CLEC2A: variants seen among roughly 807,000 people sequenced by gnomAD.
The protein encoded by CLEC2A is keratinocyte-associated C-type lectin.
A neutral mutation model predicts 18.6 loss-of-function variants in CLEC2A; 19 were observed. That is an observed-to-expected ratio of 1.02 (90% CI 0.71 to 1.50). CLEC2A has a LOEUF of 1.50. CLEC2A is among the 40% of genes most tolerant of loss of function. The pLI is 0.00. For missense variants in CLEC2A, 190 were observed against 207.9 expected, an observed-to-expected ratio of 0.91 and a Z score of 0.53; for synonymous variants, 74 against 64.0, an observed-to-expected ratio of 1.16 and a Z score of -0.75.
Position 9,922,078 on chromosome 12 carries a change from T to C in CLEC2A, c.294A>G (p.Thr98=). ...TCTGTTTTCTTACCATGTCTTCTTG[T>C]GTATCAATCTGAGCAAGTTCTGCTT... is the stretch of plus-strand genomic sequence containing the variant. ...LQKAELAQID[T]QEDMEFLKRY... Residue 98 remains threonine (T), a synonymous_variant, in exon 3 of 5, where the codon ACA becomes ACG. Transcript: ENST00000455827. 1 of 1,542,540 alleles carries C rather than the reference T, an allele frequency of 6.5e-7. No homozygotes were observed. The highest frequency in any genetic ancestry group is 8.7e-7 in the Non-Finnish European group (1 of 1,143,572).
At position 9,916,691 on chromosome 12, in the gene CLEC2A, G is replaced by A. The variant is rs1863077269; in HGVS notation, c.410+9C>T. 3 of 1,496,398 alleles carry A rather than the reference G, an allele frequency of 2.0e-6. No individual in the cohort carries two copies. The highest frequency in any genetic ancestry group is 1.4e-5 in the African/African-American group (1 of 72,074). 92.7% of individuals were successfully genotyped at this position (1,496,398 alleles called of 1,614,324 possible). On this transcript the variant is annotated intron_variant, in intron 4 of 4. Transcript: ENST00000455827. ...GAATAAGAACATTGCTAATACATTG[G>A]AAACTCACCAACCATTGAATGTGGT...
the CLEC2A span, among the ~76,000 whole-genome samples, chr12:9,891,054 T>A: frequency 6.6e-5 from 10 of 152,262 alleles, no homozygotes; most frequent in East Asian, 1.9e-3. Flanking sequence ...TTAATTTTTT[T>A]TTTTTTTGCC....
intron 3 of CLEC2A, among the ~76,000 whole-genome samples, chr12:9,917,687 C>T (rs112454429): frequency 1.4e-3 from 220 of 152,290 alleles, no homozygotes; most frequent in African/African-American, 5.1e-3. Flanking sequence ...TGCCACACTG[C>T]TTTCCACAAT....
chr12:9,927,474 T>A (rs76009084), intron 1 of CLEC2A, among the ~76,000 whole-genome samples: 6,985 of 152,250 alleles, frequency 0.046, 489 homozygotes, highest in East Asian at 0.35. Flanking sequence ...ATTATATATA[T>A]GTATGCATGC....
chr12:9,924,242 A>T (rs1863226436), intron 2 of CLEC2A, among the ~76,000 whole-genome samples: 1 of 151,638 alleles, frequency 6.6e-6, no homozygotes, highest in Non-Finnish European at 1.5e-5. Flanking sequence ...TTATATGTTT[A>T]CTGGCCACAT....
the CLEC2A span, chr12:9,888,920 C>G: frequency 2.0e-6 from 1 of 502,036 alleles, no homozygotes; most frequent in Middle Eastern, 2.8e-4. Flanking sequence ...AGGACATCCT[C>G]TTCCTCAGTG....
intron 1 of CLEC2A, among the ~76,000 whole-genome samples, chr12:9,928,834 A>G (rs1863322295): frequency 6.6e-6 from 1 of 152,218 alleles, no homozygotes; most frequent in Non-Finnish European, 1.5e-5. Flanking sequence ...AATGAAAAAG[A>G]CTGACAGCAC....
chr12:9,904,756 C>A (rs998302758), intron 4 of CLEC2A, among the ~76,000 whole-genome samples: 2 of 152,094 alleles, frequency 1.3e-5, no homozygotes, highest in African/African-American at 4.8e-5. Flanking sequence ...CTATAATTAG[C>A]AATAAGGGGT....
downstream of CLEC2A, chr12:9,895,672 T>C (rs1182145382): frequency 6.7e-7 from 1 of 1,499,314 alleles, no homozygotes; most frequent in Non-Finnish European, 8.8e-7. Context: ...CTGAAAAATC[T>C]GTCCTTTGTC....
chr12:9,878,334 C>A, the CLEC2A span, among the ~76,000 whole-genome samples: 5 of 152,036 alleles, frequency 3.3e-5, no homozygotes, highest in African/African-American at 1.2e-4. Flanking sequence ...AGTATCTCAA[C>A]CCTTAAAGAT....
chr12:9,885,521 C>T, the CLEC2A span, among the ~76,000 whole-genome samples: 1 of 151,732 alleles, frequency 6.6e-6, no homozygotes, highest in Non-Finnish European at 1.5e-5. Context: ...TAGTGTTTTA[C>T]ATATAACATG....
downstream of CLEC2A, among the ~76,000 whole-genome samples, chr12:9,898,182 C>G (rs1451335578): frequency 6.6e-6 from 1 of 152,202 alleles, no homozygotes; most frequent in Non-Finnish European, 1.5e-5. Flanking sequence ...TACTTTTCCT[C>G]TCATTTTGAA....
At chr12:9,894,804 T>C (rs1213557007), downstream of CLEC2A, among the ~76,000 whole-genome samples, 1 of 152,188 alleles carries the variant, frequency 6.6e-6, no homozygotes, top group African/African-American at 2.4e-5. Context: ...CTGGACCTGC[T>C]TTTAATGCAA....
At chr12:9,886,929 C>T in the CLEC2A span, among the ~76,000 whole-genome samples, 4 of 151,864 alleles carry the variant, frequency 2.6e-5, no homozygotes, top group Non-Finnish European at 5.9e-5. Flanking sequence ...AGGTCTACTA[C>T]ATAGCTTGGC....
At chr12:9,886,078 C>A in the CLEC2A span, among the ~76,000 whole-genome samples, 1 of 151,968 alleles carries the variant, frequency 6.6e-6, no homozygotes, top group Non-Finnish European at 1.5e-5. Flanking sequence ...ATAAATAATG[C>A]AATAATTATT....
At chr12:9,909,809 A>G (rs934219361), downstream of CLEC2A, among the ~76,000 whole-genome samples, 2 of 152,004 alleles carry the variant, frequency 1.3e-5, no homozygotes, top group East Asian at 1.9e-4. Context: ...GGGGTGGGGA[A>G]CAATGTGAGC....
At chr12:9,889,548 GT>G in the CLEC2A span, among the ~76,000 whole-genome samples, 1 of 151,916 alleles carries the variant, frequency 6.6e-6, no homozygotes, top group Admixed American at 6.6e-5. Flanking sequence ...TTTTTCCTGG[GT>G]TTTCATCCTG....
chr12:9,890,879 A>G, the CLEC2A span, among the ~76,000 whole-genome samples: 2 of 152,330 alleles, frequency 1.3e-5, no homozygotes, highest in South Asian at 4.1e-4. Flanking sequence ...GTCTACCGCA[A>G]TTCCTAACAA....
chr12:9,879,208 T>C, the CLEC2A span, among the ~76,000 whole-genome samples: 1 of 152,178 alleles, frequency 6.6e-6, no homozygotes, highest in East Asian at 1.9e-4. Context: ...AAGGAGCTGC[T>C]TGATATGCTA....
Sources: allele counts gnomAD v4.1 joint callset (sites outside exome capture counted in the v4.1 genomes callset), GRCh38; gene constraint gnomAD v4.1.1; transcripts MANE v1.5; gene names NCBI Gene and HGNC (gene_info 2026-07-23, HGNC 2026-07-21).